Variants in INSL6 observed in about 807,000 individuals in gnomAD.
INSL6 encodes insulin-like peptide INSL6.
Under a neutral mutation model 9.4 loss-of-function variants are expected in INSL6, and 16 were observed. That is an observed-to-expected ratio of 1.70 (90% confidence interval 1.15 to 2.59). The LOEUF (loss-of-function observed/expected upper bound fraction) is 2.59, where lower values mean the gene tolerates loss of function less well. Ranked by LOEUF, INSL6 falls within the 30% of genes most tolerant of loss-of-function variation. INSL6 has a pLI of 0.00. For synonymous variants in INSL6, 154 were observed against 96.9 expected, an observed-to-expected ratio of 1.59 and a Z score of -3.46; for missense variants, 391 against 257.3, an observed-to-expected ratio of 1.52 and a Z score of -3.56.
chr9:5,103,909 T>G, the INSL6 span, among the ~76,000 whole-genome samples: 1 of 152,172 alleles, frequency 6.6e-6, no homozygotes, highest in Admixed American at 6.5e-5. Flanking sequence ...CTGGGACATA[T>G]TTAAGGCAGT....
At chr9:5,158,138 A>C (rs1204670168) in intron 2 of INSL6, among the ~76,000 whole-genome samples, 1 of 152,204 alleles carries the variant, frequency 6.6e-6, no homozygotes, top group African/African-American at 2.4e-5. Context: ...CTATTTGAAA[A>C]TACAGAGTCA....
At chr9:5,080,437 T>C in the INSL6 span, 1 of 1,547,932 alleles carries the variant, frequency 6.5e-7, no homozygotes. Context: ...CATATTTCTT[T>C]CACATGATTT....
the INSL6 span, among the ~76,000 whole-genome samples, chr9:5,009,947 C>CT: frequency 6.6e-6 from 1 of 152,014 alleles, no homozygotes; most frequent in African/African-American, 2.4e-5. Context: ...TTTTAGATTT[C>CT]TTTTTTGTAG....
the INSL6 span, chr9:5,080,392 T>C: frequency 2.7e-4 from 433 of 1,595,232 alleles, 1 homozygote; most frequent in Non-Finnish European, 2.3e-4. Flanking sequence ...TAAGTTTATA[T>C]AGACTAAGTT....
At chr9:5,050,692 C>T in the INSL6 span, 1 of 1,611,438 alleles carries the variant, frequency 6.2e-7, no homozygotes, top group African/African-American at 1.3e-5. Flanking sequence ...TTAGTGGCGG[C>T]ATGATTTTGT....
chr9:5,153,202 C>A (rs1253920880), intron 2 of INSL6, among the ~76,000 whole-genome samples: 1 of 152,008 alleles, frequency 6.6e-6, no homozygotes, highest in Non-Finnish European at 1.5e-5. Flanking sequence ...ACCGTTCACT[C>A]CCCTGAAAAG....
At chr9:5,077,573 A>G in the INSL6 span, 2 of 1,483,056 alleles carry the variant, frequency 1.3e-6, no homozygotes, top group Non-Finnish European at 1.8e-6. Flanking sequence ...TGGGCCATGC[A>G]TTTTCTAGTA....
In INSL6 at chr9:5,172,667, G is replaced by A. The variant is rs1024704134; in HGVS notation, c.290-8402C>T. Among the ~76,000 whole-genome samples the A allele has an allele frequency of 6.6e-5, 10 of 152,226 alleles. 1 individual carries two copies. The South Asian group carries it at 2.1e-3, about 32-fold the overall frequency. The stretch of plus-strand genomic sequence containing the variant: ...GGCCAGGCCAGGTGCAGTGGCTCAC[G>A]CCTGTAATCCCAGCACTTTGGGAGG... On this transcript the variant is annotated intron_variant, in intron 1 of 1. Transcript: ENST00000381641.
chr9:5,100,786 C>T, the INSL6 span: 1 of 152,348 alleles, frequency 6.6e-6, no homozygotes, highest in Non-Finnish European at 1.5e-5. Context: ...CTTTGAGGCC[C>T]CTTTTACTAT....
the INSL6 span, among the ~76,000 whole-genome samples, chr9:5,113,191 CTTTTTTTTT>C: frequency 5.4e-4 from 31 of 57,158 alleles, no homozygotes; most frequent in African/African-American, 9.8e-4. Context: ...CTGGCAGGAG[CTTTTTTTTT>C]TTTTTTTTTT....
chr9:5,146,412 C>T (rs967213746), intron 2 of INSL6, among the ~76,000 whole-genome samples: 1 of 152,182 alleles, frequency 6.6e-6, no homozygotes, highest in African/African-American at 2.4e-5. Flanking sequence ...GGGAGCAAGG[C>T]ATTGGTGAGG....
At chr9:5,160,742 G>C (rs982488072), downstream of INSL6, among the ~76,000 whole-genome samples, 2 of 152,082 alleles carry the variant, frequency 1.3e-5, no homozygotes, top group African/African-American at 4.8e-5. Flanking sequence ...AATAAAATTA[G>C]AGATAAAAAG....
the INSL6 span, chr9:5,089,612 AATTT>A: frequency 2.7e-6 from 2 of 733,572 alleles, no homozygotes; most frequent in Non-Finnish European, 2.0e-6. Flanking sequence ...ATAATTATAA[AATTT>A]ATTTGTAATT....
downstream of INSL6, among the ~76,000 whole-genome samples, chr9:5,161,122 G>A (rs972865816): frequency 6.6e-6 from 1 of 151,910 alleles, no homozygotes; most frequent in Admixed American, 6.6e-5. Context: ...ACTAAACAAA[G>A]GCACATCAAA....
At chr9:5,041,164 T>A in the INSL6 span, 2 of 1,219,318 alleles carry the variant, frequency 1.6e-6, no homozygotes, top group Non-Finnish European at 1.2e-6. Context: ...GCATGGATTA[T>A]GTGCACACCA....
At chr9:5,005,131 T>G in the INSL6 span, among the ~76,000 whole-genome samples, 138 of 111,992 alleles carry the variant, frequency 1.2e-3, no homozygotes, top group Non-Finnish European at 2.1e-3. Flanking sequence ...TTTTTTTTTT[T>G]TAGGTACAGG....
At chr9:5,151,832 G>C (rs567442098) in intron 2 of INSL6, among the ~76,000 whole-genome samples, 4 of 152,138 alleles carry the variant, frequency 2.6e-5, no homozygotes, top group African/African-American at 9.6e-5. Flanking sequence ...CACTCCAAAT[G>C]AAAAGCATAC....
At chr9:5,074,109 G>A in the INSL6 span, among the ~76,000 whole-genome samples, 2 of 152,034 alleles carry the variant, frequency 1.3e-5, no homozygotes, top group African/African-American at 4.8e-5. Context: ...GGCCTTTTCA[G>A]TACAAACTTA....
At chr9:5,060,310 C>G in the INSL6 span, among the ~76,000 whole-genome samples, 1 of 152,140 alleles carries the variant, frequency 6.6e-6, no homozygotes, top group African/African-American at 2.4e-5. Context: ...ATGACATTTA[C>G]TGCATCAGTA....
Sources: allele counts gnomAD v4.1 joint callset (sites outside exome capture counted in the v4.1 genomes callset), GRCh38; gene constraint gnomAD v4.1.1; transcripts MANE v1.5; gene names NCBI Gene and HGNC (gene_info 2026-07-23, HGNC 2026-07-21).